The following HTR1F variants were observed in gnomAD, a reference collection of about 807,000 sequenced individuals.
HTR1F encodes 5-hydroxytryptamine receptor 1F, also known as 5-hydroxytryptamine (serotonin) receptor 1F, G protein-coupled.
Under a neutral mutation model 24.0 loss-of-function variants are expected in HTR1F, and 17 were observed. The observed-to-expected ratio is 0.71, with a 90% confidence interval of 0.48 to 1.06. The LOEUF (loss-of-function observed/expected upper bound fraction) is 1.06, where lower values mean the gene tolerates loss of function less well. HTR1F is among the 50% of genes least tolerant of loss of function. The probability of loss-of-function intolerance (pLI) is 0.00; values close to 1 mark genes in which losing one functional copy is unlikely to be tolerated. For synonymous variants in HTR1F, 186 were observed against 156.8 expected (o/e 1.19, Z -1.39); for missense variants, 391 against 427.8 (o/e 0.91, Z 0.76).
Position 87,990,828 on chromosome 3 carries a change from T to A in HTR1F, c.79T>A (p.Ser27Thr), listed in dbSNP as rs1705804782. 1.9e-6 allele frequency: 3 copies of A among 1,614,050 alleles called. No homozygotes were observed. In the East Asian group the frequency reaches 6.7e-5, roughly 36 times the overall value. The change falls in exon 3 of 3, where the codon TCC becomes ACC. Residue 27 changes from serine to threonine, a missense_variant. Ser to Thr is a moderately conservative substitution (Grantham distance 58). Coordinates refer to ENST00000319595, the MANE Select transcript of HTR1F (RefSeq NM_001322209.2). ...CAGAATGCCATCCAAAATTCTGGTG[T>A]CCCTCACTCTGTCTGGGCTGGCACT... ...LNRMPSKILV[S>T]LTLSGLALMT... is the part of the protein sequence containing the mutation.
At chr3:87,904,603 T>C (rs1703618195) in intron 2 of HTR1F, among the ~76,000 whole-genome samples, 1 of 152,050 alleles carries the variant, frequency 6.6e-6, no homozygotes, top group Non-Finnish European at 1.5e-5. Flanking sequence ...TGTTCTTCAG[T>C]AATAAAATGA....
intron 2 of HTR1F, among the ~76,000 whole-genome samples, chr3:87,943,034 A>ATAAT (rs1360660481): frequency 6.6e-6 from 1 of 152,148 alleles, no homozygotes; most frequent in African/African-American, 2.4e-5. Context: ...ACATCATTGA[A>ATAAT]TAATTCATAG....
chr3:87,935,375 C>CT (rs1334951231), intron 2 of HTR1F, among the ~76,000 whole-genome samples: 1 of 152,158 alleles, frequency 6.6e-6, no homozygotes, highest in African/African-American at 2.4e-5. Context: ...GTCAATTTCA[C>CT]TCTTCTTTCC....
At chr3:87,904,295 C>T (rs1258992297) in intron 2 of HTR1F, among the ~76,000 whole-genome samples, 1 of 152,070 alleles carries the variant, frequency 6.6e-6, no homozygotes, top group African/African-American at 2.4e-5. Flanking sequence ...GGTTTAAATT[C>T]ATTGGAAAAC....
intron 2 of HTR1F, among the ~76,000 whole-genome samples, chr3:87,912,580 T>C (rs1167749622): frequency 6.2e-5 from 8 of 128,778 alleles, no homozygotes; most frequent in Non-Finnish European, 3.2e-5. Flanking sequence ...CTATTAAAAG[T>C]TCGTATAAAG....
At chr3:87,989,285 A>G (rs1240781593) in intron 2 of HTR1F, among the ~76,000 whole-genome samples, 1 of 152,228 alleles carries the variant, frequency 6.6e-6, no homozygotes, top group East Asian at 1.9e-4. Flanking sequence ...CCCGGTCATT[A>G]CAATGGTGAC....
intron 2 of HTR1F, among the ~76,000 whole-genome samples, chr3:87,964,536 T>A (rs1705125147): frequency 6.6e-6 from 1 of 152,092 alleles, no homozygotes; most frequent in African/African-American, 2.4e-5. Context: ...ATCCAAACCC[T>A]CTTCTCAGAG....
intron 2 of HTR1F, among the ~76,000 whole-genome samples, chr3:87,837,082 G>T (rs1704698476): frequency 6.6e-6 from 1 of 151,898 alleles, no homozygotes; most frequent in African/African-American, 2.4e-5. Context: ...AACATTGTTT[G>T]CTAGTCAATA....
intron 2 of HTR1F, among the ~76,000 whole-genome samples, chr3:87,978,445 G>A (rs1705447779): frequency 6.6e-6 from 1 of 152,146 alleles, no homozygotes; most frequent in Admixed American, 6.6e-5. Flanking sequence ...GCTTTATTGA[G>A]CAACAGTACA....
intron 2 of HTR1F, among the ~76,000 whole-genome samples, chr3:87,826,256 T>G (rs1376597271): frequency 5.3e-5 from 8 of 152,262 alleles, no homozygotes; most frequent in Non-Finnish European, 1.2e-4. Context: ...TCAGGGAACC[T>G]GTTTGATCAA....
intron 2 of HTR1F, among the ~76,000 whole-genome samples, chr3:87,985,836 T>C (rs1018840200): frequency 2.0e-5 from 3 of 152,218 alleles, no homozygotes; most frequent in African/African-American, 7.2e-5. Flanking sequence ...TAATTGGATA[T>C]CAAGATCAAA....
At chr3:87,882,397 C>T (rs1198667413) in intron 2 of HTR1F, among the ~76,000 whole-genome samples, 1 of 152,134 alleles carries the variant, frequency 6.6e-6, no homozygotes, top group Admixed American at 6.5e-5. Flanking sequence ...GCTATAAAGA[C>T]ATATGCACAC....
chr3:87,927,952 T>C (rs978955842), intron 2 of HTR1F, among the ~76,000 whole-genome samples: 1 of 152,048 alleles, frequency 6.6e-6, no homozygotes, highest in Non-Finnish European at 1.5e-5. Context: ...GTAAATAAAC[T>C]CCATTGGTGG....
chr3:87,964,396 G>C lies in HTR1F; in HGVS notation c.-42-26312G>C, dbSNP rs1254506027. Among the ~76,000 whole-genome samples, 4 of 152,074 alleles carry C rather than the reference G, an allele frequency of 2.6e-5. No homozygotes were observed. In the East Asian group the frequency reaches 7.7e-4, roughly 29 times the overall value. ...ATTCTAAAATACTATTTGATATTTAGAGTTAATCAACGTAGTTTGGAGTAA... is the reference window on the plus strand; with the variant it reads ...ATTCTAAAATACTATTTGATATTTACAGTTAATCAACGTAGTTTGGAGTAA... On this transcript the variant is annotated intron_variant, in intron 2 of 2. Coordinates refer to ENST00000319595, the MANE Select transcript of HTR1F (RefSeq NM_001322209.2).
chr3:87,951,278 C>A (rs1283171875), intron 2 of HTR1F, among the ~76,000 whole-genome samples: 2 of 152,076 alleles, frequency 1.3e-5, no homozygotes, highest in Non-Finnish European at 2.9e-5. Context: ...CCACGAAGAA[C>A]AATAGTTATA....
chr3:87,806,427 A>G (rs565224580), intron 1 of HTR1F, among the ~76,000 whole-genome samples: 6 of 152,120 alleles, frequency 3.9e-5, no homozygotes, highest in Non-Finnish European at 8.8e-5. Context: ...AAAAATAGCC[A>G]TTTTAACTGG....
intron 2 of HTR1F, among the ~76,000 whole-genome samples, chr3:87,928,828 T>C (rs1268667617): frequency 6.6e-6 from 1 of 152,134 alleles, no homozygotes; most frequent in Non-Finnish European, 1.5e-5. Context: ...GAAAAAGAAA[T>C]ATACATTTTG....
chr3:87,939,953 G>A (rs1704527735), intron 2 of HTR1F, among the ~76,000 whole-genome samples: 1 of 152,116 alleles, frequency 6.6e-6, no homozygotes, highest in East Asian at 1.9e-4. Context: ...TAATTGTAAT[G>A]TTAGGGTGAT....
intron 1 of HTR1F, among the ~76,000 whole-genome samples, chr3:87,801,964 A>C (rs1214886788): frequency 6.6e-6 from 1 of 151,982 alleles, no homozygotes; most frequent in African/African-American, 2.4e-5. Flanking sequence ...AAAATATATA[A>C]AGCATGGCTT....
Sources: allele counts gnomAD v4.1 joint callset (sites outside exome capture counted in the v4.1 genomes callset), GRCh38; gene constraint gnomAD v4.1.1; transcripts MANE v1.5; gene names NCBI Gene and HGNC (gene_info 2026-07-23, HGNC 2026-07-21).